The following SAFB2 variants were observed in gnomAD, a reference collection of about 807,000 sequenced individuals.
The protein encoded by SAFB2 is scaffold attachment factor B2.
In SAFB2, 32 loss-of-function variants were observed where a neutral mutation model predicts 100.6. The ratio of observed to expected loss-of-function variants is 0.32; its 90% confidence interval spans 0.24 to 0.43. SAFB2 has a LOEUF of 0.43. SAFB2 is among the 20% of genes least tolerant of loss of function. SAFB2 has a pLI of 1.00. For synonymous variants in SAFB2, 500 were observed against 439.4 expected (o/e 1.14, Z -1.72); for missense variants, 1,185 against 1,163.4 (o/e 1.02, Z -0.27).
intron 7 of SAFB2, 79 bp from the exon 8 acceptor site, chr19:5,610,767 A>G: frequency 3.0e-6 from 3 of 1,006,038 alleles, no homozygotes; most frequent in Non-Finnish European, 4.4e-6. Context: ...ATGTGCTAAA[A>G]CTGAATACCT....
chr19:5,622,716 C>G lies in SAFB2; in HGVS notation c.-1G>C. Reference sequence around the variant, plus strand: ...CCGACCCGGGCAGAGTCTCCGCCATCGTCGCGTTCCCGTCTTCGCCACCGA... The same window carrying G: ...CCGACCCGGGCAGAGTCTCCGCCATGGTCGCGTTCCCGTCTTCGCCACCGA... On this transcript the variant is annotated 5_prime_UTR_variant, in exon 1 of 21. Coordinates refer to ENST00000252542, the MANE Select transcript of SAFB2 (RefSeq NM_014649.3). 1 of 1,598,566 alleles carries G rather than the reference C, an allele frequency of 6.3e-7. No homozygotes were observed. The highest frequency in any genetic ancestry group is 8.5e-7 in the Non-Finnish European group (1 of 1,176,246).
intron 9 of SAFB2, among the ~76,000 whole-genome samples, chr19:5,608,934 G>C (rs953641158): frequency 1.3e-5 from 2 of 151,584 alleles, no homozygotes; most frequent in African/African-American, 4.9e-5. Context: ...TGTAATCCCA[G>C]CTACTCGAGA....
At position 5,613,383 on chromosome 19, in the gene SAFB2, CACAT is replaced by C. The variant is rs1369832246; in HGVS notation, c.606+78_606+81del. On this transcript the variant is annotated intron_variant, in intron 5 of 20. Transcript: ENST00000252542. ...AGCACAGTATCCAGTCATTTCCATACACATACACACTGCTCTTTCATTATGGAAA... is the reference window on the plus strand; with the variant it reads ...AGCACAGTATCCAGTCATTTCCATACACACACTGCTCTTTCATTATGGAAA... 7 of 1,183,528 alleles carry C rather than the reference CACAT, an allele frequency of 5.9e-6. 1 individual carries two copies. Among genetic ancestry groups the C allele is most frequent in the Non-Finnish European group, 7.4e-6 (6 of 807,788 alleles). 73.3% of individuals were successfully genotyped at this position (1,183,528 alleles called of 1,614,324 possible).
chr19:5,613,396 C>T, intron 5 of SAFB2, 69 bp downstream of exon 5: 1 of 1,335,144 alleles, frequency 7.5e-7, no homozygotes, highest in Non-Finnish European at 1.1e-6. Flanking sequence ...ATACACACTG[C>T]TCTTTCATTA....
At chr19:5,598,607 G>C (rs2052584203) in intron 13 of SAFB2, 186 bp downstream of exon 13, 1 of 607,264 alleles carries the variant, frequency 1.6e-6, no homozygotes, top group South Asian at 1.8e-5. Context: ...ACACGGATGG[G>C]CACTGCTCTG....
chr19:5,602,128 A>C (rs1379746420), intron 11 of SAFB2, among the ~76,000 whole-genome samples: 2 of 152,106 alleles, frequency 1.3e-5, no homozygotes, highest in South Asian at 4.1e-4. Flanking sequence ...AGGTCAAAAC[A>C]AATTTTTAAA....
At chr19:5,610,461 T>A in intron 8 of SAFB2, 178 bp downstream of exon 8, 2 of 627,668 alleles carry the variant, frequency 3.2e-6, no homozygotes, top group Non-Finnish European at 5.7e-6. Context: ...AAGAGAAACA[T>A]AAAATGCAGG....
At chr19:5,591,944 C>G in intron 16 of SAFB2, 151 bp from the exon 17 acceptor site, 1 of 729,092 alleles carries the variant, frequency 1.4e-6, no homozygotes, top group Admixed American at 2.5e-5. Context: ...TAGCTCAAAT[C>G]GAAAGGCTTT....
Position 5,593,915 on chromosome 19 carries a change from C to CCGGGCCGCCGCTCCTGCT in SAFB2, c.2165_2182dup (p.Glu722_Pro727dup), listed in dbSNP as rs755834374. The CCGGGCCGCCGCTCCTGCT allele has an allele frequency of 3.1e-4, 478 of 1,525,686 alleles. 4 individuals are homozygous for CCGGGCCGCCGCTCCTGCT. In the African/African-American group the frequency reaches 6.1e-3, roughly 20 times the overall value. 94.5% of individuals were successfully genotyped at this position (1,525,686 alleles called of 1,614,324 possible). On this transcript the variant is annotated inframe_insertion, in exon 15 of 21. Coordinates refer to ENST00000252542, the MANE Select transcript of SAFB2 (RefSeq NM_014649.3). ...CCGGTCCAGGTCGTAGGGCCTCCGCCCGGGCCGCCGCTCCTGCTCGTAACG... is the reference window on the plus strand; with the variant it reads ...CCGGTCCAGGTCGTAGGGCCTCCGCCCGGGCCGCCGCTCCTGCTCGGGCCGCCGCTCCTGCTCGTAACG...
intron 1 of SAFB2, 98 bp downstream of exon 1, chr19:5,622,432 G>A: frequency 7.7e-7 from 1 of 1,294,946 alleles, no homozygotes; most frequent in Non-Finnish European, 1.0e-6. Context: ...GACGCGGGGC[G>A]AACCCAGGGC....
intron 13 of SAFB2, among the ~76,000 whole-genome samples, chr19:5,598,134 C>CAAAA (rs11347497): frequency 1.6e-5 from 1 of 61,196 alleles, no homozygotes; most frequent in Non-Finnish European, 3.6e-5. Context: ...GACTCCATCT[C>CAAAA]AAAAAAAAAA....
chr19:5,594,115 G>T lies in SAFB2; in HGVS notation c.1983C>A (p.Ala661=). 6.2e-7 allele frequency: 1 copy of T among 1,601,930 alleles called. No homozygotes were observed. Among genetic ancestry groups the T allele is most frequent in the Non-Finnish European group, 8.5e-7 (1 of 1,178,554 alleles). Residue 661 remains alanine, a synonymous_variant, in exon 15 of 21, where the codon GCC becomes GCA. Coordinates refer to ENST00000252542, the MANE Select transcript of SAFB2 (RefSeq NM_014649.3). The stretch of plus-strand genomic sequence containing the variant: ...GCTGCAGGCGTTCCCGCTGTAGCCG[G>T]GCCTTCTCCTTCCGCTCATGGAAGG... The part of the protein sequence containing the change: ...LEAFHERKEK[A]RLQRERLQLE...
At chr19:5,601,770 G>C (rs1010364853) in intron 11 of SAFB2, among the ~76,000 whole-genome samples, 1 of 151,862 alleles carries the variant, frequency 6.6e-6, no homozygotes, top group African/African-American at 2.4e-5. Context: ...TCCTGAGACA[G>C]AACTTAGGGG....
In SAFB2 at chr19:5,594,081, G is replaced by C; in HGVS notation, c.2017C>G (p.Gln673Glu). 6.3e-7 allele frequency: 1 copy of C among 1,596,620 alleles called. No individual in the cohort carries two copies. Among genetic ancestry groups the C allele is most frequent in the Non-Finnish European group, 8.5e-7 (1 of 1,176,420 alleles). The change falls in exon 15 of 21, where the codon CAG becomes GAG. Residue 673 changes from glutamine (Q) to glutamate (E), a missense_variant. Transcript: ENST00000252542. ...CGCTCCCGCTCCAGCCGCTGGCGCTGGCACTCGAGCTGCAGGCGTTCCCGC... is the reference window on the plus strand; with the variant it reads ...CGCTCCCGCTCCAGCCGCTGGCGCTCGCACTCGAGCTGCAGGCGTTCCCGC... ...LQRERLQLECQRQRLERERME... is the reference protein window; with the variant it reads ...LQRERLQLECERQRLERERME...
chr19:5,599,318 C>G (rs920541806), intron 12 of SAFB2, among the ~76,000 whole-genome samples: 12 of 152,206 alleles, frequency 7.9e-5, no homozygotes, highest in African/African-American at 2.9e-4. Flanking sequence ...GACGGGTGGG[C>G]TTCCCTCCAT....
chr19:5,593,861 C>T (rs1323616139), intron 15 of SAFB2, 30 bp downstream of exon 15: 11 of 1,433,212 alleles, frequency 7.7e-6, no homozygotes, highest in Non-Finnish European at 8.2e-6. Context: ...CGCTGGTCTC[C>T]GTCCTGCCCA....
intron 8 of SAFB2, 53 bp from the exon 9 acceptor site, chr19:5,610,148 C>T (rs1213592610): frequency 2.7e-6 from 4 of 1,460,896 alleles, no homozygotes; most frequent in Non-Finnish European, 3.8e-6. Context: ...ACAGGAAGCA[C>T]AACCATTCTT....
intron 12 of SAFB2, among the ~76,000 whole-genome samples, 161 bp from the exon 13 acceptor site, chr19:5,599,045 C>T (rs989769362): frequency 6.6e-6 from 1 of 152,200 alleles, no homozygotes; most frequent in Non-Finnish European, 1.5e-5. Flanking sequence ...TTGTGAGCAA[C>T]ACGGTAACAC....
chr19:5,599,722 G>A (rs1166963875), intron 12 of SAFB2, among the ~76,000 whole-genome samples: 1 of 151,988 alleles, frequency 6.6e-6, no homozygotes, highest in African/African-American at 2.4e-5. Flanking sequence ...GATGCTTGGA[G>A]GTTTCATTTT....
Sources: allele counts gnomAD v4.1 joint callset (sites outside exome capture counted in the v4.1 genomes callset), GRCh38; gene constraint gnomAD v4.1.1; transcripts MANE v1.5; gene names NCBI Gene and HGNC (gene_info 2026-07-23, HGNC 2026-07-21).